ELAVL4: variants seen among roughly 807,000 people sequenced by gnomAD.
ELAVL4 encodes ELAV-like protein 4.
Under a neutral mutation model 35.6 loss-of-function variants are expected in ELAVL4, and 1 was observed. The ratio of observed to expected loss-of-function variants is 0.03; its 90% CI spans 0.01 to 0.13. The LOEUF (loss-of-function observed/expected upper bound fraction) is 0.13, where lower values mean the gene tolerates loss of function less well. Among genes scored for constraint, ELAVL4 ranks in the 10% least tolerant of loss-of-function variants. The probability of loss-of-function intolerance (pLI) is 1.00; values close to 1 mark genes in which losing one functional copy is unlikely to be tolerated. For synonymous variants in ELAVL4, 156 were observed against 171.0 expected (o/e 0.91, Z 0.69); for missense variants, 267 against 464.9 (o/e 0.57, Z 3.91).
upstream of ELAVL4, among the ~76,000 whole-genome samples, chr1:50,101,076 A>C (rs1187568854): frequency 6.6e-6 from 1 of 152,002 alleles, no homozygotes; most frequent in Non-Finnish European, 1.5e-5. Flanking sequence ...GGAGCCTAAC[A>C]TATCATTTTT....
At chr1:50,151,576 T>C (rs1674796126) in intron 2 of ELAVL4, among the ~76,000 whole-genome samples, 1 of 152,184 alleles carries the variant, frequency 6.6e-6, no homozygotes. Context: ...AAGATATTGA[T>C]TAGCTAAATG....
chr1:50,151,395 G>A (rs1674758825), intron 2 of ELAVL4, among the ~76,000 whole-genome samples: 1 of 152,162 alleles, frequency 6.6e-6, no homozygotes, highest in African/African-American at 2.4e-5. Flanking sequence ...GCTAAACAAA[G>A]AAGACTAGAC....
chr1:50,085,364 T>A (rs1665191717), intron 1 of ELAVL4, among the ~76,000 whole-genome samples: 1 of 152,154 alleles, frequency 6.6e-6, no homozygotes, highest in African/African-American at 2.4e-5. Context: ...CAGTAGCCAG[T>A]GCCATGGCGT....
intron 1 of ELAVL4, among the ~76,000 whole-genome samples, chr1:50,125,560 A>T (rs188739782): frequency 1.3e-5 from 2 of 152,196 alleles, no homozygotes; most frequent in African/African-American, 4.8e-5. Flanking sequence ...GAGGTGTCTG[A>T]GCCTCAGGAA....
Position 50,109,016 on chromosome 1 carries a change from C to CGG in ELAVL4, c.-174_-173insGG. The CGG allele has an allele frequency of 3.2e-5, 29 of 905,312 alleles. No homozygotes were observed. Among genetic ancestry groups the CGG allele is most frequent in the South Asian group, 5.1e-5 (1 of 19,480 alleles). The allele number at this position is 905,312 out of a possible 1,614,324, so 56.1% of individuals were successfully genotyped here. ...CTCCTTTTCTTTTTTTTCTTTCTCT[C>CGG]CCCCGCCCACCCCCCCAAAAATAAT... On this transcript the variant is annotated 5_prime_UTR_variant, in exon 1 of 7. Transcript: ENST00000371824.
At chr1:50,073,212 G>C (rs1664610189) in intron 1 of ELAVL4, among the ~76,000 whole-genome samples, 1 of 152,146 alleles carries the variant, frequency 6.6e-6, no homozygotes, top group South Asian at 2.1e-4. Flanking sequence ...CATTCTGCCA[G>C]TCCTTCATAG....
At position 50,178,032 on chromosome 1, in the gene ELAVL4, GA is replaced by G. The variant is rs1307298590; in HGVS notation, c.354+841del. ...GGAGGTAGTGCTGTTTGCCTTGGGG[GA>G]TTCCCTTGGGCAGCCGGTGGTGGTC... On this transcript the variant is annotated intron_variant, in intron 3 of 6. Coordinates refer to ENST00000371824, the MANE Select transcript of ELAVL4 (RefSeq NM_001144774.3). 2.6e-5 allele frequency among the ~76,000 whole-genome samples: 4 copies of G among 152,194 alleles called. No homozygotes were observed. The East Asian group carries it at 7.7e-4, about 29-fold the overall frequency.
chr1:50,078,134 G>A (rs1664847412), intron 1 of ELAVL4, among the ~76,000 whole-genome samples: 1 of 151,708 alleles, frequency 6.6e-6, no homozygotes, highest in Admixed American at 6.6e-5. Context: ...GTGTGTGTGT[G>A]TGTGTGTGTA....
At chr1:50,187,262 T>A (rs1405515239) in intron 3 of ELAVL4, among the ~76,000 whole-genome samples, 1 of 152,202 alleles carries the variant, frequency 6.6e-6, no homozygotes, top group Non-Finnish European at 1.5e-5. Context: ...TGTCAGGGAC[T>A]GTTGTATTCA....
In ELAVL4 at chr1:50,202,362, A is replaced by G. The variant is rs1031802964; in HGVS notation, c.*1184A>G. The G allele has an allele frequency of 6.6e-6, 1 of 152,186 alleles. No homozygotes were observed. Among genetic ancestry groups the G allele is most frequent in the African/African-American group, 2.4e-5 (1 of 41,440 alleles). 9.4% of individuals were successfully genotyped at this position (152,186 alleles called of 1,614,324 possible). On this transcript the variant is annotated 3_prime_UTR_variant, in exon 7 of 7. Coordinates refer to ENST00000371824, the MANE Select transcript of ELAVL4 (RefSeq NM_001144774.3). ...GTAGGTGCTACAAAATTATTTACAT[A>G]TCTTAGTATCATAGTTAAATGTAAT... is the stretch of plus-strand genomic sequence containing the variant.
At chr1:50,165,529 ATATACCTATATGTATATAT>A (rs945048962) in intron 2 of ELAVL4, among the ~76,000 whole-genome samples, 2 of 149,726 alleles carry the variant, frequency 1.3e-5, no homozygotes, top group African/African-American at 4.9e-5. Context: ...ACGTATATAC[ATATACCTATATGTATATAT>A]AGTATATATG....
At chr1:50,144,499 C>T (rs756087809) in intron 1 of ELAVL4, 3 of 458,330 alleles carry the variant, frequency 6.5e-6, no homozygotes, top group South Asian at 3.2e-5. Context: ...AATTTAATGT[C>T]ATTTTATTTT....
intron 1 of ELAVL4, among the ~76,000 whole-genome samples, chr1:50,121,664 ACAGT>A (rs1457778357): frequency 1.3e-5 from 2 of 152,120 alleles, no homozygotes; most frequent in African/African-American, 4.8e-5. Context: ...AGGAAAAATA[ACAGT>A]CAGCTTTTTT....
chr1:50,078,661 T>C (rs1177272721), intron 1 of ELAVL4, among the ~76,000 whole-genome samples: 1 of 152,112 alleles, frequency 6.6e-6, no homozygotes, highest in Non-Finnish European at 1.5e-5. Flanking sequence ...CTGTCTGTCA[T>C]CTCTAACCCC....
intron 4 of ELAVL4, among the ~76,000 whole-genome samples, chr1:50,194,820 G>A (rs1258626654): frequency 3.9e-5 from 6 of 152,198 alleles, no homozygotes; most frequent in African/African-American, 1.4e-4. Flanking sequence ...TTTGGAGGAT[G>A]TTTCAGAGGT....
intron 1 of ELAVL4, chr1:50,110,081 C>T: frequency 7.4e-7 from 1 of 1,347,748 alleles, no homozygotes; most frequent in Non-Finnish European, 1.0e-6. Context: ...AATCACTGTG[C>T]TGATCGTTTG....
rs2148880626 is a variant in ELAVL4 at position 50,193,815 on chromosome 1, T to C, written c.405T>C (p.Tyr135=). 6.2e-7 allele frequency: 1 copy of C among 1,614,108 alleles called. No homozygotes were observed. Among genetic ancestry groups the C allele is most frequent in the Non-Finnish European group, 8.5e-7 (1 of 1,179,968 alleles). ...SSASIRDANL[Y]VSGLPKTMTQ... ...CCTCAATCAGGGATGCTAACCTCTA[T>C]GTTAGCGGCCTTCCCAAAACCATGA... Residue 135 remains tyrosine, a synonymous_variant, in exon 4 of 7, where the codon TAT becomes TAC. Transcript: ENST00000371824.
chr1:50,176,547 G>A (rs141372303), intron 2 of ELAVL4, among the ~76,000 whole-genome samples: 22 of 152,282 alleles, frequency 1.4e-4, no homozygotes, highest in African/African-American at 5.1e-4. Context: ...CTTTTGTTGA[G>A]CACCTACTCC....
intron 1 of ELAVL4, among the ~76,000 whole-genome samples, chr1:50,142,069 T>C (rs1300572759): frequency 6.6e-6 from 1 of 152,260 alleles, no homozygotes; most frequent in Admixed American, 6.5e-5. Context: ...ATGTACATTA[T>C]CTCTCATCCT....
Sources: gnomAD v4.1 joint callset for allele counts (sites outside exome capture counted in the v4.1 genomes callset) on GRCh38, gnomAD v4.1.1 for gene constraint, MANE v1.5 for transcripts, NCBI Gene and HGNC (gene_info 2026-07-23, HGNC 2026-07-21) for gene names.